Variants in AFF2 observed in about 807,000 individuals in gnomAD.
The protein encoded by AFF2 is ALF transcription elongation factor 2.
A neutral mutation model predicts 76.9 loss-of-function variants in AFF2; 14 were observed. The ratio of observed to expected loss-of-function variants is 0.18; its 90% CI spans 0.12 to 0.28. The LOEUF (loss-of-function observed/expected upper bound fraction) is 0.28, where lower values mean the gene tolerates loss of function less well. Ranked by LOEUF, AFF2 falls within the 10% of genes least tolerant of loss-of-function variation. The pLI, the probability that AFF2 is intolerant of heterozygous loss-of-function variation, is 1.00. For missense variants in AFF2, 868 were observed against 1,001.1 expected (o/e 0.87, Z 1.79); for synonymous variants, 398 against 366.7 (o/e 1.09, Z -0.98).
At chrX:148,895,339 A>G (rs1234255604) in intron 8 of AFF2, among the ~76,000 whole-genome samples, 1 of 111,779 alleles carries the variant, frequency 8.9e-6, no homozygotes, top group Non-Finnish European at 1.9e-5. Context: ...TTAAATTCAC[A>G]CAGACAATGA....
intron 3 of AFF2, among the ~76,000 whole-genome samples, chrX:148,674,190 A>G (rs1557259295): frequency 8.9e-6 from 1 of 112,208 alleles, no homozygotes; most frequent in Non-Finnish European, 1.9e-5. Context: ...ACATATGTCC[A>G]TGTGTCATGA....
intron 4 of AFF2, among the ~76,000 whole-genome samples, chrX:148,824,144 C>T (rs1557272807): frequency 9.2e-6 from 1 of 109,287 alleles, no homozygotes; most frequent in African/African-American, 3.4e-5. Flanking sequence ...AGACATCCAC[C>T]TAAGGTGCAT....
intron 1 of AFF2, among the ~76,000 whole-genome samples, chrX:148,526,366 GTTTT>G (rs34179499): frequency 1.6e-5 from 1 of 62,730 alleles, no homozygotes; most frequent in African/African-American, 6.1e-5. Context: ...ATACAATCTT[GTTTT>G]TTTTTTTTTT....
At chrX:148,794,847 T>C (rs1441903993) in intron 3 of AFF2, among the ~76,000 whole-genome samples, 1 of 111,343 alleles carries the variant, frequency 9.0e-6, no homozygotes, top group Non-Finnish European at 1.9e-5. Flanking sequence ...CATGGATAAA[T>C]CTATGTTAAA....
chrX:148,549,698 T>C (rs782633914), intron 1 of AFF2, among the ~76,000 whole-genome samples: 2 of 111,744 alleles, frequency 1.8e-5, no homozygotes, highest in South Asian at 7.5e-4. Context: ...ACTTCATTAG[T>C]GCATAAAGAA....
chrX:148,720,064 A>AT lies in AFF2; in HGVS notation c.1041+57303dup, dbSNP rs34269346. 1.8e-4 allele frequency among the ~76,000 whole-genome samples: 20 copies of AT among 110,154 alleles called. No homozygotes were observed. The Admixed American group carries it at 1.9e-3, about 11-fold the overall frequency. On this transcript the variant is annotated intron_variant, in intron 3 of 20. Coordinates refer to ENST00000370460, the MANE Select transcript of AFF2 (RefSeq NM_002025.4). ...CTGTGTTCTCTTGTGTCTTTCTCTAATTTTTTTCAACTCTCACTTTTTTTC... is the reference window on the plus strand; with the variant it reads ...CTGTGTTCTCTTGTGTCTTTCTCTAATTTTTTTTCAACTCTCACTTTTTTTC...
intron 9 of AFF2, among the ~76,000 whole-genome samples, chrX:148,925,546 T>G (rs1265130777): frequency 9.0e-6 from 1 of 110,665 alleles, no homozygotes; most frequent in Non-Finnish European, 1.9e-5. Flanking sequence ...GCCTTGGGAG[T>G]TCAAGCCTCC....
At chrX:148,705,275 G>A (rs781939793) in intron 3 of AFF2, among the ~76,000 whole-genome samples, 1 of 111,748 alleles carries the variant, frequency 8.9e-6, no homozygotes, top group Admixed American at 9.5e-5. Context: ...AAGTCAACTG[G>A]AATCAAATGG....
chrX:148,594,792 A>G (rs2053557348), intron 1 of AFF2, among the ~76,000 whole-genome samples: 1 of 112,062 alleles, frequency 8.9e-6, no homozygotes, highest in Non-Finnish European at 1.9e-5. Flanking sequence ...TAGATCCCCA[A>G]TTCCTCTCCC....
chrX:148,501,798 C>T (rs987266685), intron 1 of AFF2, among the ~76,000 whole-genome samples: 7 of 112,844 alleles, frequency 6.2e-5, no homozygotes, highest in African/African-American at 2.3e-4. Flanking sequence ...TCGGAGTTGG[C>T]CCCCCAAATC....
At chrX:148,788,611 T>C (rs1474606740) in intron 3 of AFF2, among the ~76,000 whole-genome samples, 1 of 111,722 alleles carries the variant, frequency 9.0e-6, no homozygotes, top group East Asian at 2.8e-4. Context: ...GCAGTCACGT[T>C]TCTCATCACA....
chrX:148,713,555 C>A (rs1191990430), intron 3 of AFF2, among the ~76,000 whole-genome samples: 2 of 111,693 alleles, frequency 1.8e-5, no homozygotes, highest in Non-Finnish European at 3.8e-5. Context: ...CATAGGATTT[C>A]CAGTACTTCC....
chrX:148,819,722 G>A (rs1230579559), intron 4 of AFF2, among the ~76,000 whole-genome samples: 8 of 111,137 alleles, frequency 7.2e-5, no homozygotes, highest in Non-Finnish European at 1.1e-4. Flanking sequence ...CTGTCAAGTC[G>A]AAGAACTTTT....
intron 3 of AFF2, among the ~76,000 whole-genome samples, chrX:148,672,050 C>A (rs1371325203): frequency 4.5e-5 from 5 of 111,957 alleles, no homozygotes; most frequent in Non-Finnish European, 9.4e-5. Flanking sequence ...AAAAAGACTT[C>A]TCTCGTTCTG....
At chrX:148,604,143 T>C (rs1557248480) in intron 1 of AFF2, among the ~76,000 whole-genome samples, 3 of 111,963 alleles carry the variant, frequency 2.7e-5, no homozygotes, top group African/African-American at 6.5e-5. Flanking sequence ...TATAGTTTTC[T>C]TGTACTTTGC....
chrX:148,841,828 A>G (rs1170227274), intron 5 of AFF2, among the ~76,000 whole-genome samples: 1 of 111,667 alleles, frequency 9.0e-6, no homozygotes, highest in African/African-American at 3.3e-5. Flanking sequence ...AGCAAACTAT[A>G]TGGGCTTTGT....
chrX:148,780,730 G>A (rs182210277), intron 3 of AFF2, among the ~76,000 whole-genome samples: 134 of 111,686 alleles, frequency 1.2e-3, no homozygotes, highest in African/African-American at 3.6e-3. Context: ...TTATTACCCA[G>A]CTTCTGACGC....
chrX:148,625,092 G>T (rs2053910191), intron 1 of AFF2, among the ~76,000 whole-genome samples: 1 of 110,634 alleles, frequency 9.0e-6, no homozygotes, highest in Non-Finnish European at 1.9e-5. Context: ...TGAGGGACCT[G>T]TCACTCTTCA....
intron 1 of AFF2, chrX:148,546,990 A>C (rs1219224585): frequency 8.9e-6 from 1 of 112,531 alleles, no homozygotes; most frequent in Non-Finnish European, 1.9e-5. Flanking sequence ...CATGAGGCCA[A>C]GATATTGACC....
Sources: allele counts gnomAD v4.1 joint callset (sites outside exome capture counted in the v4.1 genomes callset), GRCh38; gene constraint gnomAD v4.1.1; transcripts MANE v1.5; gene names NCBI Gene and HGNC (gene_info 2026-07-23, HGNC 2026-07-21).